Variants in SLCO4C1 observed in about 807,000 individuals in gnomAD.
SLCO4C1 encodes the protein organic anion transporter M1.
SLCO4C1 carries 58 observed loss-of-function variants against 72.1 expected under a neutral mutation model. That is an observed-to-expected ratio of 0.80 (90% confidence interval 0.65 to 1.00). The LOEUF (loss-of-function observed/expected upper bound fraction) is 1.00, where lower values mean the gene tolerates loss of function less well. Among genes scored for constraint, SLCO4C1 ranks in the 50% least tolerant of loss-of-function variants. The pLI is 0.00. For synonymous variants in SLCO4C1, 297 were observed against 312.5 expected, an observed-to-expected ratio of 0.95 and a Z score of 0.52; for missense variants, 898 against 857.9, an observed-to-expected ratio of 1.05 and a Z score of -0.58.
chr5:102,279,684 C>G (rs910130790), intron 2 of SLCO4C1, among the ~76,000 whole-genome samples: 4 of 151,786 alleles, frequency 2.6e-5, no homozygotes, highest in Non-Finnish European at 4.4e-5. Flanking sequence ...AAAATAGTAC[C>G]AAACAGAATT....
intron 4 of SLCO4C1, among the ~76,000 whole-genome samples, chr5:102,263,149 T>G (rs181788234): frequency 9.4e-4 from 143 of 152,310 alleles, no homozygotes; most frequent in African/African-American, 3.3e-3. Context: ...TTAAATAAGA[T>G]AGCACATAAA....
At position 102,234,952 on chromosome 5, in the gene SLCO4C1, A is replaced by G. The variant is rs1748407548; in HGVS notation, c.*1906T>C. On this transcript the variant is annotated 3_prime_UTR_variant, in exon 13 of 13. Transcript: ENST00000310954. ...TTGCTATAAATTTCCTGCTTCTCAA[A>G]TATCTGGATTTTTGGCTACCTATTT... 6.6e-6 allele frequency: 1 copy of G among 152,098 alleles called. No homozygotes were observed. The allele number at this position is 152,098 out of a possible 1,614,324, so 9.4% of individuals were successfully genotyped here. A position where few individuals can be genotyped will look rare whatever the true frequency, so the allele number is the denominator to read the frequency against.
intron 1 of SLCO4C1, among the ~76,000 whole-genome samples, chr5:102,293,895 C>T (rs10071570): frequency 0.072 from 10,868 of 151,996 alleles, 458 homozygotes; most frequent in African/African-American, 0.1. Flanking sequence ...CCACCGCACC[C>T]GGCTAATTTT....
intron 8 of SLCO4C1, among the ~76,000 whole-genome samples, chr5:102,255,458 G>A (rs928502939): frequency 6.6e-6 from 1 of 152,094 alleles, no homozygotes; most frequent in Non-Finnish European, 1.5e-5. Context: ...AAGTTTGGGT[G>A]AAGTTTATAG....
At chr5:102,261,378 C>G (rs1021268134) in intron 5 of SLCO4C1, among the ~76,000 whole-genome samples, 1 of 151,864 alleles carries the variant, frequency 6.6e-6, no homozygotes, top group South Asian at 2.1e-4. Context: ...TGCCACTGCA[C>G]TCCAGTCTGG....
At chr5:102,276,351 T>C (rs1170497228) in intron 2 of SLCO4C1, among the ~76,000 whole-genome samples, 1 of 152,178 alleles carries the variant, frequency 6.6e-6, no homozygotes, top group Non-Finnish European at 1.5e-5. Flanking sequence ...TCAGTTATTC[T>C]CCCACCTGAA....
At chr5:102,292,103 G>A (rs1561383692) in intron 1 of SLCO4C1, among the ~76,000 whole-genome samples, 1 of 152,158 alleles carries the variant, frequency 6.6e-6, no homozygotes, top group African/African-American at 2.4e-5. Context: ...GGGATTACAG[G>A]TGTGAGCCAA....
chr5:102,291,199 GT>G (rs1343470067), intron 2 of SLCO4C1, 143 bp downstream of exon 2: 1 of 831,400 alleles, frequency 1.2e-6, no homozygotes, highest in African/African-American at 1.7e-5. Context: ...ATCTCATACA[GT>G]TCACACAATG....
chr5:102,234,367 T>A lies in SLCO4C1; in HGVS notation c.*2491A>T, dbSNP rs1748395888. ...ATAATGATTATAAATTATGGTAGTG[T>A]CTGTAAAACCCTGTTATAAAGGAGG... On this transcript the variant is annotated 3_prime_UTR_variant, in exon 13 of 13. Coordinates refer to ENST00000310954, the MANE Select transcript of SLCO4C1 (RefSeq NM_180991.5). The A allele has an allele frequency of 6.6e-6, 1 of 152,570 alleles. No individual in the cohort carries two copies. Among genetic ancestry groups the A allele is most frequent in the South Asian group, 2.1e-4 (1 of 4,826 alleles). 9.5% of individuals were successfully genotyped at this position (152,570 alleles called of 1,614,324 possible).
At chr5:102,237,092 C>A (rs1283415588) in intron 12 of SLCO4C1, 74 bp from the exon 13 acceptor site, 8 of 1,367,760 alleles carry the variant, frequency 5.8e-6, no homozygotes, top group Non-Finnish European at 7.8e-6. Flanking sequence ...GAAAAATCTT[C>A]ATGAATAGAA....
At chr5:102,278,313 T>A (rs553405765) in intron 2 of SLCO4C1, among the ~76,000 whole-genome samples, 22 of 152,296 alleles carry the variant, frequency 1.4e-4, no homozygotes, top group Non-Finnish European at 2.6e-4. Context: ...AAGAGTAACA[T>A]GTTTTCACCA....
chr5:102,257,154 T>C lies in SLCO4C1; in HGVS notation c.1430A>G (p.Glu477Gly). ...LSFVFMYAKC[E>G]NEPFAGVSES... ...AGATACACCAGCAAATGGCTCATTT[T>C]CACATTTGGCATACATAAATACAAA... The change falls in exon 8 of 13, where the codon GAA becomes GGA. Residue 477 changes from glutamate to glycine, a missense_variant. Transcript: ENST00000310954. 1.3e-6 allele frequency: 2 copies of C among 1,597,646 alleles called. No individual in the cohort carries two copies. Among genetic ancestry groups the C allele is most frequent in the Non-Finnish European group, 1.7e-6 (2 of 1,173,738 alleles).
Position 102,255,382 on chromosome 5 carries a change from T to C in SLCO4C1, c.1469+1733A>G, listed in dbSNP as rs183090445. Among the ~76,000 whole-genome samples, 15 of 152,272 alleles carry C rather than the reference T, an allele frequency of 9.9e-5. No individual in the cohort carries two copies. In the South Asian group the frequency reaches 1.9e-3, roughly 19 times the overall value. ...CTTTGTTACTCAAGGTGATAAACTA[T>C]GTGTTAAACTATCCAGAACTTCCTT... is the stretch of plus-strand genomic sequence containing the variant. On this transcript the variant is annotated intron_variant, in intron 8 of 12. Coordinates refer to ENST00000310954, the MANE Select transcript of SLCO4C1 (RefSeq NM_180991.5).
intron 10 of SLCO4C1, among the ~76,000 whole-genome samples, chr5:102,244,355 AAAGAATAAAAAACAATG>A (rs571805370): frequency 2.1e-3 from 321 of 152,324 alleles, no homozygotes; most frequent in South Asian, 2.9e-3. Flanking sequence ...ACAAAAGAAA[AAAGAATAAAAAACAATG>A]AAGCATGCCT....
intron 8 of SLCO4C1, among the ~76,000 whole-genome samples, chr5:102,252,582 G>T (rs1226794518): frequency 1.3e-5 from 2 of 152,110 alleles, no homozygotes; most frequent in African/African-American, 4.8e-5. Flanking sequence ...TGCAACTCTA[G>T]AAATAGCCTT....
chr5:102,275,757 T>C (rs1406662726), intron 2 of SLCO4C1, among the ~76,000 whole-genome samples: 1 of 152,238 alleles, frequency 6.6e-6, no homozygotes, highest in Non-Finnish European at 1.5e-5. Flanking sequence ...ATCACTTATT[T>C]ATATGTAACA....
At position 102,262,007 on chromosome 5, in the gene SLCO4C1, C is replaced by T. The variant is rs953414998; in HGVS notation, c.926G>A (p.Arg309Gln). ...ESTDVTEDDP[R>Q]WLGAWWIGFL... ...CCCAATCCACCAAGCTCCCAACCATCGCGGATCATCCTCAGTGACATCAGT... is the reference window on the plus strand; with the variant it reads ...CCCAATCCACCAAGCTCCCAACCATTGCGGATCATCCTCAGTGACATCAGT... Residue 309 changes from arginine to glutamine, a missense_variant, in exon 5 of 13, where the codon CGA becomes CAA. Arg to Gln is a conservative substitution (Grantham distance 43). Coordinates refer to ENST00000310954, the MANE Select transcript of SLCO4C1 (RefSeq NM_180991.5). 8.1e-6 allele frequency: 13 copies of T among 1,612,888 alleles called. No individual in the cohort carries two copies. The highest frequency in any genetic ancestry group is 2.2e-5 in the South Asian group (2 of 91,034).
At chr5:102,252,325 A>G (rs1329817903) in intron 8 of SLCO4C1, among the ~76,000 whole-genome samples, 1 of 152,170 alleles carries the variant, frequency 6.6e-6, no homozygotes, top group Non-Finnish European at 1.5e-5. Context: ...AAAACAAATT[A>G]AAGAGAAAAA....
At chr5:102,254,375 A>G (rs1561369468) in intron 8 of SLCO4C1, among the ~76,000 whole-genome samples, 1 of 152,162 alleles carries the variant, frequency 6.6e-6, no homozygotes, top group Non-Finnish European at 1.5e-5. Flanking sequence ...TGTCTATTTC[A>G]TATTTTGGTA....
Sources: allele counts gnomAD v4.1 joint callset (sites outside exome capture counted in the v4.1 genomes callset), GRCh38; gene constraint gnomAD v4.1.1; transcripts MANE v1.5; gene names NCBI Gene and HGNC (gene_info 2026-07-23, HGNC 2026-07-21).